PLD2: variants seen among roughly 807,000 people sequenced by gnomAD.
The protein encoded by PLD2 is choline phosphatase 2.
PLD2 carries 101 observed loss-of-function variants against 119.8 expected under a neutral mutation model. The ratio of observed to expected loss-of-function variants is 0.84; its 90% CI spans 0.72 to 0.99. The LOEUF (loss-of-function observed/expected upper bound fraction) is 0.99. Ranked by LOEUF, PLD2 falls within the 50% of genes least tolerant of loss-of-function variation. PLD2 has a pLI of 0.00. For synonymous variants in PLD2, 494 were observed against 482.8 expected (o/e 1.02, Z -0.30); for missense variants, 1,164 against 1,226.8 (o/e 0.95, Z 0.76).
At position 4,808,780 on chromosome 17, in the gene PLD2, C is replaced by T. The variant is rs555580066; in HGVS notation, c.384-320C>T. Among the ~76,000 whole-genome samples the T allele has an allele frequency of 1.3e-5, 2 of 152,280 alleles. No homozygotes were observed. The highest frequency in any genetic ancestry group is 4.8e-5 in the African/African-American group (2 of 41,556). ...AGAGTGCAGTGGTATGATCTTGGCT[C>T]ATGGCAACCTCCTGGGCTCAAGCAG... On this transcript the variant is annotated intron_variant, in intron 4 of 24. Transcript: ENST00000263088. The surrounding 1 kb of genome is among the most constrained non-coding windows in gnomAD (Gnocchi z 4.1).
At position 4,819,608 on chromosome 17, in the gene PLD2, G is replaced by A. The variant is rs750860151; in HGVS notation, c.2462+26G>A. 1 of 1,586,080 alleles carries A rather than the reference G, an allele frequency of 6.3e-7. No individual in the cohort carries two copies. Among genetic ancestry groups the A allele is most frequent in the Admixed American group, 1.7e-5 (1 of 57,890 alleles). On this transcript the variant is annotated intron_variant, in intron 23 of 24. Coordinates refer to ENST00000263088, the MANE Select transcript of PLD2 (RefSeq NM_002663.5). The surrounding 1 kb of genome is among the most constrained non-coding windows in gnomAD (Gnocchi z 4.2). ...GTAGAGCTGGGGCGGGATGCCACAG[G>A]GTGGGAGGGAGATGGGGGCGTCTGC...
At chr17:4,821,697 T>G in intron 23 of PLD2, 96 bp from the exon 24 acceptor site, 1 of 826,162 alleles carries the variant, frequency 1.2e-6, no homozygotes, top group Non-Finnish European at 2.0e-6. Flanking sequence ...ACCCAGCCAA[T>G]TTTGAATTAC....
chr17:4,813,487 G>A (rs1253026004), intron 10 of PLD2, among the ~76,000 whole-genome samples: 1 of 152,172 alleles, frequency 6.6e-6, no homozygotes, highest in Non-Finnish European at 1.5e-5. Flanking sequence ...CATTTGCCTA[G>A]GCATTGTATT....
chr17:4,810,806 T>C lies in PLD2; in HGVS notation c.865T>C (p.Leu289=). ...GVRIDTSHRS[L]ILKCSSYRQA... is the part of the protein sequence containing the mutation. ...CATCTCATCGTTCCCATCCAGGTCC[T>C]TGATTCTCAAGTGCAGCAGCTACCG... is the stretch of plus-strand genomic sequence containing the variant. The change falls in exon 10 of 25, where the codon TTG becomes CTG. Residue 289 remains leucine (L), a synonymous_variant. Transcript: ENST00000263088. 1 of 1,611,560 alleles carries C rather than the reference T, an allele frequency of 6.2e-7. No homozygotes were observed. The highest frequency in any genetic ancestry group is 8.5e-7 in the Non-Finnish European group (1 of 1,178,670).
intron 13 of PLD2, 33 bp downstream of exon 13, chr17:4,815,619 A>G (rs1321332022): frequency 6.3e-7 from 1 of 1,583,840 alleles, no homozygotes. Context: ...CTCCCACATG[A>G]CAGCCCTTCT....
At position 4,807,895 on chromosome 17, in the gene PLD2, A is replaced by T. The variant is rs762319253; in HGVS notation, c.109+14A>T. ...GAGAGGACCCAGGTACACAGGGAAGATGGATGGCCCTCAGGGAGGAGAGGC... is the reference window on the plus strand; with the variant it reads ...GAGAGGACCCAGGTACACAGGGAAGTTGGATGGCCCTCAGGGAGGAGAGGC... On this transcript the variant is annotated intron_variant, in intron 2 of 24. Transcript: ENST00000263088. The surrounding 1 kb of genome is among the most constrained non-coding windows in gnomAD (Gnocchi z 5.4). 3.1e-5 allele frequency: 50 copies of T among 1,611,370 alleles called. No individual in the cohort carries two copies. The East Asian group carries it at 1.0e-3, about 33-fold the overall frequency.
chr17:4,819,654 T>C lies in PLD2; in HGVS notation c.2462+72T>C. 1 of 1,395,526 alleles carries C rather than the reference T, an allele frequency of 7.2e-7. No homozygotes were observed. Among genetic ancestry groups the C allele is most frequent in the South Asian group, 1.3e-5 (1 of 76,106 alleles). 86.4% of individuals were successfully genotyped at this position (1,395,526 alleles called of 1,614,324 possible). A position where few individuals can be genotyped will look rare whatever the true frequency, so the allele number is the denominator to read the frequency against. On this transcript the variant is annotated intron_variant, in intron 23 of 24. Coordinates refer to ENST00000263088, the MANE Select transcript of PLD2 (RefSeq NM_002663.5). This position sits in a 1 kb window ranked among gnomAD's most constrained non-coding sequence, Gnocchi z 4.2. ...TCTGCCTTTTGAGCAGGACAAGAGG[T>C]AGCACCGCATAGGTACTCCCGGAGC...
At position 4,808,416 on chromosome 17, in the gene PLD2, G is replaced by T. The variant is rs752746653; in HGVS notation, c.383G>T (p.Arg128Leu). ...KVLMSLLPLA[R>L]FAVAYSPARD... The stretch of plus-strand genomic sequence containing the variant: ...TTGATGAGTCTGCTCCCTCTGGCTC[G>T]GTGAGGGCGACCGGACTGCTTCCTG... Residue 128 changes from arginine to leucine, a missense_variant and splice_region_variant, in exon 4 of 25, where the codon CGA becomes CTA. Arg to Leu is a moderately radical substitution (Grantham distance 102, BLOSUM62 -2). Coordinates refer to ENST00000263088, the MANE Select transcript of PLD2 (RefSeq NM_002663.5). The surrounding 1 kb of genome is among the most constrained non-coding windows in gnomAD (Gnocchi z 4.1). 24 of 1,613,304 alleles carry T rather than the reference G, an allele frequency of 1.5e-5. No individual in the cohort carries two copies. The Admixed American group carries it at 3.7e-4, about 25-fold the overall frequency.
In PLD2 at chr17:4,820,573, C is replaced by CT. The variant is rs1229147405; in HGVS notation, c.2462+1003dup. ...CCCCTGGCCAAAAAAAAAAAAAAATCTTTTTTTTTTTTCTTTTTTTTTGAG... is the reference window on the plus strand; with the variant it reads ...CCCCTGGCCAAAAAAAAAAAAAAATCTTTTTTTTTTTTTCTTTTTTTTTGAG... On this transcript the variant is annotated intron_variant, in intron 23 of 24. Transcript: ENST00000263088. Among the ~76,000 whole-genome samples, 702 of 111,642 alleles carry CT rather than the reference C, an allele frequency of 6.3e-3. 5 individuals are homozygous for CT. Among genetic ancestry groups the CT allele is most frequent in the Non-Finnish European group, 9.2e-3 (486 of 52,742 alleles). The allele number at this position is 111,642 out of a possible 152,430, so 73.2% of individuals were successfully genotyped here.
chr17:4,819,676 G>T lies in PLD2; in HGVS notation c.2462+94G>T, dbSNP rs2150680119. On this transcript the variant is annotated intron_variant, in intron 23 of 24. Transcript: ENST00000263088. This position sits in a 1 kb window ranked among gnomAD's most constrained non-coding sequence, Gnocchi z 4.2. ...AGGTAGCACCGCATAGGTACTCCCG[G>T]AGCCAGAGGTAGAGGCAGTACTAGA... 8.2e-7 allele frequency: 1 copy of T among 1,223,422 alleles called. No homozygotes were observed. The highest frequency in any genetic ancestry group is 2.4e-5 in the East Asian group (1 of 41,606). 75.8% of individuals were successfully genotyped at this position (1,223,422 alleles called of 1,614,324 possible).
intron 5 of PLD2, 41 bp downstream of exon 5, chr17:4,809,246 T>C (rs1177640306): frequency 1.2e-6 from 2 of 1,611,110 alleles, no homozygotes; most frequent in Non-Finnish European, 1.7e-6. Flanking sequence ...GCATTGGAGG[T>C]GCAAATGGCT....
intron 6 of PLD2, 61 bp downstream of exon 6, chr17:4,809,424 G>A: frequency 1.2e-6 from 2 of 1,612,478 alleles, no homozygotes; most frequent in South Asian, 1.1e-5. Flanking sequence ...GGGGAGGAGG[G>A]CCAGGGGCCC....
chr17:4,818,653 C>A (rs368016324), intron 20 of PLD2, 46 bp downstream of exon 20: 2 of 1,551,256 alleles, frequency 1.3e-6, no homozygotes, highest in African/African-American at 1.4e-5. Context: ...CCATCCCACC[C>A]GTGTCCCCCT....
intron 10 of PLD2, among the ~76,000 whole-genome samples, chr17:4,813,671 C>T (rs1254763203): frequency 1.3e-5 from 2 of 152,088 alleles, no homozygotes; most frequent in African/African-American, 4.8e-5. Flanking sequence ...CCAACCTGGC[C>T]AACATGGCAA....
rs193090266 is a variant in PLD2, at chr17:4,810,035, G to T, written c.860+6G>T. ...CGGATCGATACCTCCCACAGGTGAG[G>T]CCTCCCTGGGGTGAGAGACACCAGC... On this transcript the variant is annotated splice_donor_region_variant and intron_variant, in intron 9 of 24. Transcript: ENST00000263088. 1 of 1,612,174 alleles carries T rather than the reference G, an allele frequency of 6.2e-7. No individual in the cohort carries two copies. The highest frequency in any genetic ancestry group is 2.2e-5 in the East Asian group (1 of 44,874).
chr17:4,818,844 G>A (rs1355469634), intron 21 of PLD2, 21 bp downstream of exon 21: 3 of 1,612,116 alleles, frequency 1.9e-6, no homozygotes, highest in Admixed American at 1.7e-5. Flanking sequence ...GGGGCTGGGG[G>A]CTCAAGCCCT....
chr17:4,820,636 C>T (rs1381170504), intron 23 of PLD2, among the ~76,000 whole-genome samples: 2 of 146,508 alleles, frequency 1.4e-5, no homozygotes, highest in African/African-American at 5.1e-5. Context: ...AGTGCAGTGG[C>T]GCGATCTCGG....
chr17:4,810,819 G>A lies in PLD2; in HGVS notation c.878G>A (p.Cys293Tyr). 1 of 1,612,930 alleles carries A rather than the reference G, an allele frequency of 6.2e-7. No individual in the cohort carries two copies. The highest frequency in any genetic ancestry group is 8.5e-7 in the Non-Finnish European group (1 of 1,179,406). The change falls in exon 10 of 25, where the codon TGC (cysteine) becomes TAC (tyrosine). Residue 293 changes from cysteine (C) to tyrosine (Y), a missense_variant. Cys to Tyr is a radical substitution (Grantham distance 194). Transcript: ENST00000263088. ...DTSHRSLILK[C>Y]SSYRQARWWA... ...CCATCCAGGTCCTTGATTCTCAAGT[G>A]CAGCAGCTACCGGCAGGCACGGTGG...
At chr17:4,821,635 T>A in intron 23 of PLD2, 158 bp from the exon 24 acceptor site, 1 of 533,702 alleles carries the variant, frequency 1.9e-6, no homozygotes, top group South Asian at 2.2e-5. Context: ...GCTCAAGCAA[T>A]CCACCTGCCT....
Sources: gnomAD v4.1 joint callset for allele counts (sites outside exome capture counted in the v4.1 genomes callset) on GRCh38, gnomAD v4.1.1 for gene constraint, Gnocchi (gnomAD v3.1) non-coding constraint, MANE v1.5 for transcripts, NCBI Gene and HGNC (gene_info 2026-07-23, HGNC 2026-07-21) for gene names.